Variants in GLIS1 observed in about 807,000 individuals in gnomAD.
GLIS1 encodes GLIS family zinc finger 1.
Under a neutral mutation model 63.8 loss-of-function variants are expected in GLIS1, and 24 were observed. The observed-to-expected ratio is 0.38, with a 90% CI of 0.27 to 0.53. The LOEUF (loss-of-function observed/expected upper bound fraction) is 0.53, where lower values mean the gene tolerates loss of function less well. Among genes scored for constraint, GLIS1 ranks in the 20% least tolerant of loss-of-function variants. The pLI is 0.85. For missense variants in GLIS1, 1,036 were observed against 1,074.1 expected (o/e 0.96, Z 0.50); for synonymous variants, 450 against 482.5 (o/e 0.93, Z 0.88).
At chr1:53,721,667 A>T (rs1557541138) in intron 2 of GLIS1, among the ~76,000 whole-genome samples, 1 of 152,182 alleles carries the variant, frequency 6.6e-6, no homozygotes, top group Non-Finnish European at 1.5e-5. Context: ...AGGTGATTTT[A>T]AAAACTATGT....
Position 53,520,520 on chromosome 1 carries a change from T to C in GLIS1, c.1726+114A>G. ...AACCAAGTCCAGATGAGTGAGTGCC[T>C]GCAACATGTCATGCCCATGTGGGCG... On this transcript the variant is annotated intron_variant, in intron 7 of 10. Coordinates refer to ENST00000628545, the MANE Select transcript of GLIS1 (RefSeq NM_001367484.1). 6 of 1,241,232 alleles carry C rather than the reference T, an allele frequency of 4.8e-6. No homozygotes were observed. In the South Asian group the frequency reaches 1.0e-4, roughly 21 times the overall value. 76.9% of individuals were successfully genotyped at this position (1,241,232 alleles called of 1,614,324 possible).
chr1:53,515,061 C>T (rs921714963), intron 7 of GLIS1, among the ~76,000 whole-genome samples: 3 of 138,462 alleles, frequency 2.2e-5, no homozygotes, highest in Admixed American at 7.4e-5. Context: ...GCGTGGGGTG[C>T]TTAGGGTGTG....
In GLIS1 at chr1:53,506,677, G is replaced by C; in HGVS notation, c.2330C>G (p.Pro777Arg). ...CAGGCAGTGGTCAAAGGCTCCATTG[G>C]GGAAGAAGCCACAGTCCTCGGGGCC... is the stretch of plus-strand genomic sequence containing the variant. ...SSGPEDCGFF[P>R]NGAFDHCLGH... Residue 777 changes from proline to arginine, a missense_variant, in exon 11 of 11, where the codon CCC (proline) becomes CGC (arginine). Pro to Arg is a moderately radical substitution (Grantham distance 103, BLOSUM62 -2). Coordinates refer to ENST00000628545, the MANE Select transcript of GLIS1 (RefSeq NM_001367484.1). 1 of 1,613,620 alleles carries C rather than the reference G, an allele frequency of 6.2e-7. No individual in the cohort carries two copies. The highest frequency in any genetic ancestry group is 8.5e-7 in the Non-Finnish European group (1 of 1,179,994).
At chr1:53,730,975 A>C (rs1223748107) in intron 2 of GLIS1, among the ~76,000 whole-genome samples, 1 of 152,216 alleles carries the variant, frequency 6.6e-6, no homozygotes, top group East Asian at 1.9e-4. Flanking sequence ...TAGATCCCTG[A>C]GCCAACATGC....
intron 2 of GLIS1, among the ~76,000 whole-genome samples, chr1:53,724,822 T>C (rs1222897857): frequency 7.9e-5 from 12 of 152,128 alleles, no homozygotes; most frequent in Admixed American, 7.9e-4. Context: ...TACAGGTGCA[T>C]GGCTGTTAAG....
chr1:53,638,115 G>T lies in GLIS1; in HGVS notation c.260-37837C>A, dbSNP rs536511034. ...GGTCTGGAGCCACACATGTGGTGGGGACTGCCACGGGGAGAAGCACAGAGG... is the reference window on the plus strand; with the variant it reads ...GGTCTGGAGCCACACATGTGGTGGGTACTGCCACGGGGAGAAGCACAGAGG... On this transcript the variant is annotated intron_variant, in intron 2 of 10. Transcript: ENST00000628545. 7.2e-5 allele frequency among the ~76,000 whole-genome samples: 11 copies of T among 152,358 alleles called. No individual in the cohort carries two copies. The East Asian group carries it at 1.9e-3, about 27-fold the overall frequency.
chr1:53,565,959 G>C (rs1162088684), intron 4 of GLIS1, among the ~76,000 whole-genome samples: 1 of 152,040 alleles, frequency 6.6e-6, no homozygotes, highest in Non-Finnish European at 1.5e-5. Flanking sequence ...ATAGAAAAGA[G>C]AACAAATTAT....
chr1:53,556,737 GGT>G (rs1644837819), intron 4 of GLIS1, among the ~76,000 whole-genome samples: 1 of 148,938 alleles, frequency 6.7e-6, no homozygotes, highest in Non-Finnish European at 1.5e-5. Context: ...GTGTACTGGA[GGT>G]GTGTGTGTGC....
chr1:53,543,202 A>G (rs552006202), intron 4 of GLIS1, among the ~76,000 whole-genome samples: 57 of 152,332 alleles, frequency 3.7e-4, no homozygotes, highest in South Asian at 2.1e-3. Flanking sequence ...TGGACCTGAC[A>G]TAAGTGAAAC....
chr1:53,508,650 G>A (rs1244043146), intron 10 of GLIS1, among the ~76,000 whole-genome samples: 1 of 152,132 alleles, frequency 6.6e-6, no homozygotes, highest in Non-Finnish European at 1.5e-5. Context: ...GAGGCCCAGG[G>A]CCCTGCAGGG....
chr1:53,507,080 A>G (rs1644242300), intron 10 of GLIS1, among the ~76,000 whole-genome samples: 1 of 152,000 alleles, frequency 6.6e-6, no homozygotes, highest in South Asian at 2.1e-4. Flanking sequence ...AATGTGGGGG[A>G]AAGAGAGGAG....
intron 4 of GLIS1, among the ~76,000 whole-genome samples, chr1:53,571,503 T>G (rs55999741): frequency 0.096 from 14,665 of 152,252 alleles, 819 homozygotes; most frequent in South Asian, 0.16. Context: ...TGATTAAAGT[T>G]TGAGTTATTC....
chr1:53,698,353 G>A (rs1010386991), intron 2 of GLIS1, among the ~76,000 whole-genome samples: 3 of 152,174 alleles, frequency 2.0e-5, no homozygotes, highest in Non-Finnish European at 2.9e-5. Flanking sequence ...ACAGGAACAG[G>A]AGCCAACTCG....
At chr1:53,588,417 G>T (rs981981550) in intron 4 of GLIS1, among the ~76,000 whole-genome samples, 1 of 152,122 alleles carries the variant, frequency 6.6e-6, no homozygotes, top group Admixed American at 6.5e-5. Context: ...CCCAACTTTC[G>T]ATTATCAGCC....
chr1:53,595,334 C>T (rs2948052), intron 3 of GLIS1, among the ~76,000 whole-genome samples: 36 of 152,232 alleles, frequency 2.4e-4, no homozygotes, highest in African/African-American at 7.7e-4. Context: ...GCTTGGGCTA[C>T]ATAGTGAGAC....
chr1:53,710,135 C>T (rs1646631216), intron 2 of GLIS1, among the ~76,000 whole-genome samples: 1 of 152,206 alleles, frequency 6.6e-6, no homozygotes, highest in African/African-American at 2.4e-5. Flanking sequence ...TCTGAACCCC[C>T]AGAGAATCCA....
At chr1:53,725,610 C>A (rs1646798074) in intron 2 of GLIS1, among the ~76,000 whole-genome samples, 1 of 152,200 alleles carries the variant, frequency 6.6e-6, no homozygotes, top group African/African-American at 2.4e-5. Context: ...GCTGCGAGCT[C>A]CGAGGAGGCA....
Position 53,656,772 on chromosome 1 carries a change from G to A in GLIS1, c.260-56494C>T, listed in dbSNP as rs78590661. Among the ~76,000 whole-genome samples, 590 of 152,342 alleles carry A rather than the reference G, an allele frequency of 3.9e-3. 1 individual carries two copies. Among genetic ancestry groups the A allele is most frequent in the African/African-American group, 0.014 (573 of 41,578 alleles). ...TGTTGTGAGGCTGATAAAGGTGGGC[G>A]TTAGCACTGGCAGTACCGGAGGGCC... On this transcript the variant is annotated intron_variant, in intron 2 of 10. Coordinates refer to ENST00000628545, the MANE Select transcript of GLIS1 (RefSeq NM_001367484.1).
intron 4 of GLIS1, among the ~76,000 whole-genome samples, chr1:53,535,957 C>A (rs1258966515): frequency 1.3e-5 from 2 of 152,054 alleles, no homozygotes; most frequent in Non-Finnish European, 2.9e-5. Flanking sequence ...CCAATGCATT[C>A]CAGCTTCAGA....
Sources: allele counts gnomAD v4.1 joint callset (sites outside exome capture counted in the v4.1 genomes callset), GRCh38; gene constraint gnomAD v4.1.1; transcripts MANE v1.5; gene names NCBI Gene and HGNC (gene_info 2026-07-23, HGNC 2026-07-21).